The following DLGAP1 variants were observed in gnomAD, a reference collection of about 807,000 sequenced individuals.
The protein encoded by DLGAP1 is DLG associated protein 1.
DLGAP1 carries 11 observed loss-of-function variants against 90.8 expected under a neutral mutation model. The observed-to-expected ratio is 0.12, with a 90% CI of 0.08 to 0.20. The LOEUF is 0.20. DLGAP1 is among the 10% of genes least tolerant of loss of function. The pLI is 1.00. For synonymous variants in DLGAP1, 558 were observed against 540.7 expected (o/e 1.03, Z -0.44); for missense variants, 1,050 against 1,333.8 (o/e 0.79, Z 3.31).
intron 3 of DLGAP1, among the ~76,000 whole-genome samples, chr18:3,957,066 A>G (rs1599218096): frequency 6.6e-6 from 1 of 152,222 alleles, no homozygotes; most frequent in East Asian, 1.9e-4. Context: ...TTTACTTTAC[A>G]TGGCAACAGG....
intron 5 of DLGAP1, among the ~76,000 whole-genome samples, chr18:3,757,460 A>G (rs1598613887): frequency 6.6e-6 from 1 of 152,266 alleles, no homozygotes; most frequent in East Asian, 1.9e-4. Context: ...ACTACCTACT[A>G]ATAGCCCTCA....
chr18:4,444,017 TTCTTCTAA>T (rs2083599905), intron 1 of DLGAP1, among the ~76,000 whole-genome samples: 1 of 152,212 alleles, frequency 6.6e-6, no homozygotes, highest in Non-Finnish European at 1.5e-5. Context: ...TACTGATCCC[TTCTTCTAA>T]GGAAAGAAAC....
At chr18:3,570,370 C>T (rs2054700940) in intron 8 of DLGAP1, among the ~76,000 whole-genome samples, 2 of 151,562 alleles carry the variant, frequency 1.3e-5, no homozygotes, top group African/African-American at 4.8e-5. Context: ...CCTCCACCTC[C>T]CGGGTTCAAG....
intron 5 of DLGAP1, among the ~76,000 whole-genome samples, chr18:3,797,115 C>T (rs111399685): frequency 2.8e-4 from 42 of 152,182 alleles, no homozygotes; most frequent in African/African-American, 9.4e-4. Context: ...AGGTGGATCA[C>T]GAGGTCAGGA....
At chr18:3,551,580 CTTTTCTTTCTTTCTTTTTCTT>C (rs1200797618) in intron 9 of DLGAP1, among the ~76,000 whole-genome samples, 1 of 148,536 alleles carries the variant, frequency 6.7e-6, no homozygotes, top group Non-Finnish European at 1.5e-5. Flanking sequence ...GAACACTTTT[CTTTTCTTTCTTTCTTTTTCTT>C]TTTCTTTCTT....
chr18:4,029,086 ACATGTAAGTGAGAT>A (rs2074751006), intron 2 of DLGAP1, among the ~76,000 whole-genome samples: 1 of 152,136 alleles, frequency 6.6e-6, no homozygotes, highest in African/African-American at 2.4e-5. Context: ...TTTAGATTAC[ACATGTAAGTGAGAT>A]CATGTAGTAT....
At chr18:3,965,186 A>G (rs2073296704) in intron 3 of DLGAP1, among the ~76,000 whole-genome samples, 1 of 152,184 alleles carries the variant, frequency 6.6e-6, no homozygotes, top group Non-Finnish European at 1.5e-5. Flanking sequence ...AACACTGAAC[A>G]ACACCACAAA....
intron 7 of DLGAP1, among the ~76,000 whole-genome samples, chr18:3,656,887 C>T (rs2146532198): frequency 6.6e-6 from 1 of 152,208 alleles, no homozygotes; most frequent in East Asian, 1.9e-4. Flanking sequence ...GCTGGGACTA[C>T]AGGCGCCCGC....
intron 1 of DLGAP1, among the ~76,000 whole-genome samples, chr18:4,400,552 C>G (rs2082533670): frequency 1.3e-5 from 2 of 151,902 alleles, no homozygotes; most frequent in Non-Finnish European, 2.9e-5. Context: ...GTGTAAAGGA[C>G]ATGAAATAAA....
intron 1 of DLGAP1, among the ~76,000 whole-genome samples, chr18:4,179,897 C>T (rs1481866631): frequency 6.6e-6 from 1 of 152,064 alleles, no homozygotes; most frequent in Non-Finnish European, 1.5e-5. Context: ...CTGTATTTTT[C>T]AAATTGGGCA....
intron 3 of DLGAP1, chr18:3,978,623 C>A (rs2073652922): frequency 1.0e-5 from 2 of 199,596 alleles, no homozygotes; most frequent in East Asian, 1.2e-4. Flanking sequence ...CATGGTGTCT[C>A]AGGGACATGG....
intron 3 of DLGAP1, among the ~76,000 whole-genome samples, chr18:3,951,789 AT>A (rs1215512566): frequency 1.3e-5 from 2 of 152,000 alleles, no homozygotes; most frequent in African/African-American, 2.4e-5. Flanking sequence ...CCCTTCACAC[AT>A]TTTTTTCTCT....
At chr18:4,235,104 C>T (rs752129410) in intron 1 of DLGAP1, among the ~76,000 whole-genome samples, 7 of 152,076 alleles carry the variant, frequency 4.6e-5, no homozygotes, top group South Asian at 2.1e-4. Context: ...TGTCTCTCTT[C>T]GAACACCCTA....
intron 4 of DLGAP1, among the ~76,000 whole-genome samples, chr18:3,850,154 G>A (rs1674183025): frequency 6.6e-6 from 1 of 151,972 alleles, no homozygotes; most frequent in South Asian, 2.1e-4. Context: ...ATCACTTCAA[G>A]TCAGGAGTTC....
intron 2 of DLGAP1, among the ~76,000 whole-genome samples, chr18:4,141,850 C>A (rs901483207): frequency 1.3e-5 from 2 of 152,018 alleles, no homozygotes; most frequent in East Asian, 3.9e-4. Flanking sequence ...TTAAATGTAT[C>A]TGATGGTATT....
At chr18:3,618,098 A>G (rs1475394646) in intron 7 of DLGAP1, among the ~76,000 whole-genome samples, 2 of 152,332 alleles carry the variant, frequency 1.3e-5, no homozygotes, top group South Asian at 2.1e-4. Flanking sequence ...ATTTAAACCT[A>G]TATTGGCTAG....
chr18:4,062,776 T>C (rs545679621), intron 2 of DLGAP1, among the ~76,000 whole-genome samples: 3 of 152,234 alleles, frequency 2.0e-5, no homozygotes, highest in Admixed American at 2.0e-4. Context: ...TACCTGTTAT[T>C]AGATTCTAGT....
chr18:3,877,224 TC>T (rs1160583843), intron 4 of DLGAP1, among the ~76,000 whole-genome samples: 2 of 152,218 alleles, frequency 1.3e-5, no homozygotes, highest in Non-Finnish European at 2.9e-5. Flanking sequence ...AATATCACTT[TC>T]CTTATCTTTC....
At chr18:3,731,453 GCT>G (rs1320849659) in intron 6 of DLGAP1, among the ~76,000 whole-genome samples, 1 of 151,858 alleles carries the variant, frequency 6.6e-6, no homozygotes, top group African/African-American at 2.4e-5. Context: ...ATAGGTTCTT[GCT>G]CTGTCACCCA....
Sources: allele counts gnomAD v4.1 joint callset (sites outside exome capture counted in the v4.1 genomes callset), GRCh38; gene constraint gnomAD v4.1.1; transcripts MANE v1.5; gene names NCBI Gene and HGNC (gene_info 2026-07-23, HGNC 2026-07-21).